Variants in CTIF observed in about 807,000 individuals in gnomAD.
CTIF encodes cap binding complex dependent translation initiation factor.
Under a neutral mutation model 66.0 loss-of-function variants are expected in CTIF, and 21 were observed. The ratio of observed to expected loss-of-function variants is 0.32; its 90% CI spans 0.23 to 0.46. The LOEUF is 0.46. CTIF is among the 20% of genes least tolerant of loss of function. The pLI is 1.00. For synonymous variants in CTIF, 345 were observed against 326.4 expected (o/e 1.06, Z -0.62); for missense variants, 739 against 812.7 (o/e 0.91, Z 1.10).
chr18:48,695,311 G>T (rs1477060308), intron 6 of CTIF, among the ~76,000 whole-genome samples: 2 of 152,190 alleles, frequency 1.3e-5, no homozygotes, highest in Non-Finnish European at 2.9e-5. Context: ...CCATCAATCA[G>T]CATTTGTTGA....
At chr18:48,718,440 A>C (rs2092301688) in intron 7 of CTIF, among the ~76,000 whole-genome samples, 2 of 152,198 alleles carry the variant, frequency 1.3e-5, no homozygotes, top group African/African-American at 2.4e-5. Flanking sequence ...CAGGAAAGCC[A>C]GTGGTGTAAT....
intron 1 of CTIF, chr18:48,566,907 G>A (rs1157955133): frequency 1.3e-5 from 2 of 152,172 alleles, no homozygotes; most frequent in Non-Finnish European, 2.9e-5. Context: ...CCCACAGGCA[G>A]GGCCCTTCAT....
chr18:48,851,772 C>T (rs2069207083), intron 10 of CTIF, among the ~76,000 whole-genome samples: 1 of 152,182 alleles, frequency 6.6e-6, no homozygotes, highest in African/African-American at 2.4e-5. Flanking sequence ...CGGGTTCTGC[C>T]TCTTCCCCAC....
In CTIF at chr18:48,758,211, A is replaced by G. The variant is rs773757307; in HGVS notation, c.877A>G (p.Ser293Gly). The change falls in exon 8 of 12, where the codon AGC (serine) becomes GGC (glycine). Residue 293 changes from serine (S) to glycine (G), a missense_variant. Transcript: ENST00000256413. ...CACTGCAGGGGACACCGGGCACAGC[A>G]GCCTTGAGGCCCCCCGCAGCCCTGA... ...EDTAGDTGHS[S>G]LEAPRSPDTL... The G allele has an allele frequency of 6.2e-7, 1 of 1,613,518 alleles. No individual in the cohort carries two copies. Among genetic ancestry groups the G allele is most frequent in the Admixed American group, 1.7e-5 (1 of 60,002 alleles).
At chr18:48,630,490 G>A (rs1186350473) in intron 2 of CTIF, among the ~76,000 whole-genome samples, 1 of 152,114 alleles carries the variant, frequency 6.6e-6, no homozygotes, top group Non-Finnish European at 1.5e-5. Context: ...CAATGGCTGG[G>A]TGGTTGTCTC....
Position 48,554,890 on chromosome 18 carries a change from T to C in CTIF, c.-29+15578T>C, listed in dbSNP as rs552915161. ...CTTGGCAGCCCGGGCCTAAAGACAT[T>C]ATCTTAGACCAAGGTGTGCCTCCCA... On this transcript the variant is annotated intron_variant, in intron 1 of 11. Coordinates refer to ENST00000256413, the MANE Select transcript of CTIF (RefSeq NM_014772.3). Among the ~76,000 whole-genome samples, 22 of 152,312 alleles carry C rather than the reference T, an allele frequency of 1.4e-4. No individual in the cohort carries two copies. In the South Asian group the frequency reaches 3.3e-3, roughly 23 times the overall value.
chr18:48,646,211 C>T lies in CTIF; in HGVS notation c.252+9526C>T, dbSNP rs145025143. ...GAATATATAAAGAACTCTCAAAACTCATCATTAAAAAACAATCCAATTAGA... is the reference window on the plus strand; with the variant it reads ...GAATATATAAAGAACTCTCAAAACTTATCATTAAAAAACAATCCAATTAGA... On this transcript the variant is annotated intron_variant, in intron 3 of 11. Coordinates refer to ENST00000256413, the MANE Select transcript of CTIF (RefSeq NM_014772.3). 4.4e-3 allele frequency among the ~76,000 whole-genome samples: 668 copies of T among 152,148 alleles called. 9 individuals carry two copies. The highest frequency in any genetic ancestry group is 0.015 in the African/African-American group (641 of 41,488).
intron 1 of CTIF, among the ~76,000 whole-genome samples, chr18:48,553,546 C>T (rs2088941024): frequency 6.6e-6 from 1 of 152,204 alleles, no homozygotes; most frequent in South Asian, 2.1e-4. Flanking sequence ...TGGCTCATCC[C>T]ACGAGGCGTT....
intron 3 of CTIF, among the ~76,000 whole-genome samples, chr18:48,642,098 C>T (rs755739659): frequency 6.6e-6 from 1 of 152,156 alleles, no homozygotes. Context: ...GTAAGAAATA[C>T]CAGGTATATG....
intron 10 of CTIF, among the ~76,000 whole-genome samples, chr18:48,839,576 G>C (rs2068891331): frequency 1.6e-5 from 2 of 122,512 alleles, no homozygotes; most frequent in Non-Finnish European, 3.7e-5. Context: ...AGGAAACTGA[G>C]ACACAGAGGG....
chr18:48,541,378 G>T (rs2088615470), intron 1 of CTIF, among the ~76,000 whole-genome samples: 1 of 152,142 alleles, frequency 6.6e-6, no homozygotes, highest in Admixed American at 6.5e-5. Context: ...CACAGCGCGA[G>T]AGAGCGCCGC....
chr18:48,832,593 C>G (rs954080978), intron 10 of CTIF, among the ~76,000 whole-genome samples: 2 of 152,182 alleles, frequency 1.3e-5, no homozygotes, highest in Admixed American at 6.5e-5. Context: ...CTCACAGCAG[C>G]TCGACAGAAA....
intron 7 of CTIF, among the ~76,000 whole-genome samples, chr18:48,728,858 C>T (rs80321785): frequency 0.026 from 3,954 of 152,252 alleles, 56 homozygotes; most frequent in Middle Eastern, 0.071. Flanking sequence ...ACAGACTAAC[C>T]GTGATGTGGC....
chr18:48,625,264 G>T (rs2090573642), intron 2 of CTIF: 1 of 968,996 alleles, frequency 1.0e-6, no homozygotes, highest in African/African-American at 1.8e-5. Context: ...CTGCGGGGTG[G>T]TTCAGCATGG....
intron 1 of CTIF, chr18:48,565,135 T>G (rs940297264): frequency 6.6e-6 from 1 of 152,148 alleles, no homozygotes; most frequent in Non-Finnish European, 1.5e-5. Context: ...TTGTCTCCGG[T>G]CCTGTTTATT....
chr18:48,708,275 A>T (rs2092184040), intron 6 of CTIF, among the ~76,000 whole-genome samples: 1 of 152,144 alleles, frequency 6.6e-6, no homozygotes, highest in South Asian at 2.1e-4. Flanking sequence ...CTCAGTACAG[A>T]CTTTCTCCTT....
At chr18:48,635,379 A>T (rs1339940401) in intron 2 of CTIF, among the ~76,000 whole-genome samples, 1 of 129,628 alleles carries the variant, frequency 7.7e-6, no homozygotes. Flanking sequence ...AGCATTGTGC[A>T]TTGGCACGAC....
At chr18:48,800,102 T>C (rs2068017953) in intron 9 of CTIF, among the ~76,000 whole-genome samples, 1 of 152,172 alleles carries the variant, frequency 6.6e-6, no homozygotes, top group African/African-American at 2.4e-5. Context: ...GGTCCCCAGC[T>C]CTGGTTAGAG....
At chr18:48,592,993 T>C (rs1289201052) in intron 1 of CTIF, among the ~76,000 whole-genome samples, 1 of 152,236 alleles carries the variant, frequency 6.6e-6, no homozygotes, top group Non-Finnish European at 1.5e-5. Context: ...TGGGCTGGTG[T>C]CTATACAGCC....
Sources: allele counts gnomAD v4.1 joint callset (sites outside exome capture counted in the v4.1 genomes callset), GRCh38; gene constraint gnomAD v4.1.1; transcripts MANE v1.5; gene names NCBI Gene and HGNC (gene_info 2026-07-23, HGNC 2026-07-21).